Variants in KCNN2 observed in about 807,000 individuals in gnomAD.
KCNN2 encodes the protein potassium calcium-activated channel subfamily N member 2, also known as small conductance calcium-activated potassium channel protein 2.
KCNN2 carries 24 observed loss-of-function variants against 55.5 expected under a neutral mutation model. The ratio of observed to expected loss-of-function variants is 0.43; its 90% CI spans 0.31 to 0.61. The LOEUF (loss-of-function observed/expected upper bound fraction) is 0.61. Ranked by LOEUF, KCNN2 falls within the 20% of genes least tolerant of loss-of-function variation. The pLI is 0.08. For synonymous variants in KCNN2, 431 were observed against 336.1 expected, an observed-to-expected ratio of 1.28 and a Z score of -3.09; for missense variants, 754 against 853.6, an observed-to-expected ratio of 0.88 and a Z score of 1.45.
rs149793946 is a variant in KCNN2, at chr5:114,393,927, A to G, written c.1219-10511A>G. On this transcript the variant is annotated intron_variant, in intron 2 of 7. Transcript: ENST00000673685. ...GTTTCCCTACTAGATTATTCATATT[A>G]TTTCCAGTTTTTTGCTAATATACAA... Among the ~76,000 whole-genome samples, 275 of 152,180 alleles carry G rather than the reference A, an allele frequency of 1.8e-3. 1 individual carries two copies. Among genetic ancestry groups the G allele is most frequent in the African/African-American group, 6.1e-3 (252 of 41,540 alleles).
rs376090603 is a variant in KCNN2, at chr5:114,399,431, C to T, written c.1219-5007C>T. 7.9e-5 allele frequency among the ~76,000 whole-genome samples: 12 copies of T among 152,248 alleles called. No homozygotes were observed. The East Asian group carries it at 1.2e-3, about 15-fold the overall frequency. ...ATTTACATGTGTTGAACCAACCTTGCGTCCCAGAGATAAAGCGTATTTGAT... is the reference window on the plus strand; with the variant it reads ...ATTTACATGTGTTGAACCAACCTTGTGTCCCAGAGATAAAGCGTATTTGAT... On this transcript the variant is annotated intron_variant, in intron 2 of 7. Coordinates refer to ENST00000673685, the MANE Select transcript of KCNN2 (RefSeq NM_021614.4).
chr5:114,307,448 A>T (rs1443577966), intron 2 of KCNN2, among the ~76,000 whole-genome samples: 1 of 152,110 alleles, frequency 6.6e-6, no homozygotes, highest in Non-Finnish European at 1.5e-5. Context: ...TGTTCTGATA[A>T]TTTTGTCAAC....
intron 4 of KCNN2, among the ~76,000 whole-genome samples, chr5:114,468,312 A>G (rs761731878): frequency 6.6e-5 from 10 of 152,088 alleles, no homozygotes; most frequent in Non-Finnish European, 1.3e-4. Flanking sequence ...TTTATGAAAG[A>G]ATAATTATTT....
At chr5:114,266,215 A>G (rs1755204972) in intron 2 of KCNN2, among the ~76,000 whole-genome samples, 1 of 152,140 alleles carries the variant, frequency 6.6e-6, no homozygotes, top group South Asian at 2.1e-4. Context: ...TTTTTTAGCT[A>G]CAACACATTT....
intron 2 of KCNN2, among the ~76,000 whole-genome samples, chr5:114,290,067 T>A (rs62382901): frequency 0.23 from 35,348 of 152,158 alleles, 5,081 homozygotes; most frequent in Non-Finnish European, 0.32. Flanking sequence ...TGGCCTGTAG[T>A]CTTCTCTTCT....
intron 2 of KCNN2, among the ~76,000 whole-genome samples, chr5:114,381,629 C>G (rs140294652): frequency 3.5e-4 from 53 of 152,330 alleles, no homozygotes; most frequent in Middle Eastern, 3.4e-3. Context: ...CTTGATTTTA[C>G]AAAATACCCT....
intron 4 of KCNN2, among the ~76,000 whole-genome samples, chr5:114,465,089 G>T (rs1370999811): frequency 6.6e-6 from 1 of 152,048 alleles, no homozygotes; most frequent in East Asian, 1.9e-4. Flanking sequence ...CTCCAATCAG[G>T]TGTGACTCAA....
intron 1 of KCNN2, among the ~76,000 whole-genome samples, chr5:114,129,336 A>G (rs1752001900): frequency 6.6e-6 from 1 of 152,182 alleles, no homozygotes; most frequent in African/African-American, 2.4e-5. Context: ...CCCAACAAAG[A>G]GAATACAAAA....
chr5:114,216,662 C>T (rs1248995709), intron 1 of KCNN2, among the ~76,000 whole-genome samples: 2 of 152,052 alleles, frequency 1.3e-5, no homozygotes, highest in South Asian at 2.1e-4. Flanking sequence ...TATACGAAAA[C>T]CCACCAGCTA....
intron 1 of KCNN2, among the ~76,000 whole-genome samples, chr5:114,211,449 C>G (rs1037122851): frequency 6.6e-6 from 1 of 152,084 alleles, no homozygotes; most frequent in Admixed American, 6.6e-5. Context: ...TCTCAGCAAA[C>G]TAACACAGAA....
intron 3 of KCNN2, among the ~76,000 whole-genome samples, chr5:114,459,164 A>G (rs1761076180): frequency 6.6e-6 from 1 of 152,234 alleles, no homozygotes; most frequent in Non-Finnish European, 1.5e-5. Context: ...CTTTTAAAAC[A>G]TTAAAGTTGA....
At chr5:114,436,345 T>A (rs1760003092) in intron 3 of KCNN2, among the ~76,000 whole-genome samples, 1 of 152,220 alleles carries the variant, frequency 6.6e-6, no homozygotes, top group African/African-American at 2.4e-5. Context: ...TAACACAGTT[T>A]TTTGGATTTT....
intron 1 of KCNN2, among the ~76,000 whole-genome samples, chr5:114,149,194 A>G (rs905682559): frequency 6.6e-6 from 1 of 152,166 alleles, no homozygotes; most frequent in Non-Finnish European, 1.5e-5. Context: ...TTGTCCCATA[A>G]TAACCCTGGA....
intron 2 of KCNN2, among the ~76,000 whole-genome samples, chr5:114,319,521 G>T (rs1237231786): frequency 1.3e-5 from 2 of 152,120 alleles, no homozygotes; most frequent in Non-Finnish European, 2.9e-5. Flanking sequence ...AAAGGAGGAT[G>T]GTTTTATGCC....
At chr5:114,266,971 T>C (rs1020322102) in intron 2 of KCNN2, among the ~76,000 whole-genome samples, 1 of 149,884 alleles carries the variant, frequency 6.7e-6, no homozygotes, top group Non-Finnish European at 1.5e-5. Flanking sequence ...ATTAAGATGC[T>C]TCACGAACAC....
intron 3 of KCNN2, among the ~76,000 whole-genome samples, chr5:114,424,839 A>G (rs983889258): frequency 3.9e-5 from 6 of 152,238 alleles, no homozygotes; most frequent in Admixed American, 3.3e-4. Flanking sequence ...TACAATATAC[A>G]CTGAACACAG....
intron 2 of KCNN2, among the ~76,000 whole-genome samples, chr5:114,356,243 G>T (rs1026520625): frequency 6.6e-6 from 1 of 152,082 alleles, no homozygotes; most frequent in Non-Finnish European, 1.5e-5. Context: ...CTTGTAAAAC[G>T]GAGTTGATGA....
intron 2 of KCNN2, among the ~76,000 whole-genome samples, chr5:114,273,855 A>G (rs1019150721): frequency 6.6e-6 from 1 of 152,190 alleles, no homozygotes; most frequent in Admixed American, 6.5e-5. Flanking sequence ...TAGATTAATT[A>G]GATCCCATTT....
intron 3 of KCNN2, among the ~76,000 whole-genome samples, chr5:114,426,150 C>T (rs1017685399): frequency 6.6e-6 from 1 of 151,718 alleles, no homozygotes; most frequent in Non-Finnish European, 1.5e-5. Context: ...CACTGCCCTC[C>T]ACCCTGTCTC....
Sources: gnomAD v4.1 joint callset for allele counts (sites outside exome capture counted in the v4.1 genomes callset) on GRCh38, gnomAD v4.1.1 for gene constraint, MANE v1.5 for transcripts, NCBI Gene and HGNC (gene_info 2026-07-23, HGNC 2026-07-21) for gene names.